The following ILDR1 variants were observed in gnomAD, a reference collection of about 807,000 sequenced individuals.
ILDR1 encodes immunoglobulin like domain containing receptor 1.
Under a neutral mutation model 62.4 loss-of-function variants are expected in ILDR1, and 56 were observed. The ratio of observed to expected loss-of-function variants is 0.90; its 90% CI spans 0.72 to 1.12. The LOEUF (loss-of-function observed/expected upper bound fraction) is 1.12. Among genes scored for constraint, ILDR1 ranks in the 50% most tolerant of loss-of-function variants. The pLI is 0.00. For missense variants in ILDR1, 736 were observed against 710.6 expected (o/e 1.04, Z -0.41); for synonymous variants, 284 against 277.8 (o/e 1.02, Z -0.22).
At chr3:121,996,092 G>A (rs923567898) in intron 5 of ILDR1, among the ~76,000 whole-genome samples, 1 of 152,050 alleles carries the variant, frequency 6.6e-6, no homozygotes, top group Non-Finnish European at 1.5e-5. Context: ...CCATAGCCTC[G>A]GGACATCTGA....
chr3:121,989,551 A>G (rs529803114), intron 7 of ILDR1, among the ~76,000 whole-genome samples: 1 of 152,244 alleles, frequency 6.6e-6, no homozygotes, highest in Non-Finnish European at 1.5e-5. Flanking sequence ...AGAATGTCTT[A>G]GGACAAGATT....
At chr3:122,023,525 G>GT (rs1472844234), upstream of ILDR1, among the ~76,000 whole-genome samples, 13 of 152,162 alleles carry the variant, frequency 8.5e-5, no homozygotes, top group Non-Finnish European at 1.5e-4. Flanking sequence ...CTGCTCTGCT[G>GT]TGAGGGGGCC....
intron 7 of ILDR1, among the ~76,000 whole-genome samples, chr3:121,991,322 T>C (rs1339513689): frequency 6.6e-6 from 1 of 152,130 alleles, no homozygotes; most frequent in Non-Finnish European, 1.5e-5. Flanking sequence ...TTACAGAAAA[T>C]GAAAAGAAAA....
At chr3:122,006,321 G>C (rs1334468875) in intron 2 of ILDR1, among the ~76,000 whole-genome samples, 2 of 152,160 alleles carry the variant, frequency 1.3e-5, no homozygotes, top group African/African-American at 2.4e-5. Context: ...GGTGGTTCTA[G>C]GTTCCTTTGT....
intron 2 of ILDR1, among the ~76,000 whole-genome samples, chr3:122,006,517 A>G (rs1199711432): frequency 1.3e-5 from 2 of 152,180 alleles, no homozygotes; most frequent in African/African-American, 4.8e-5. Context: ...CTTAGTCAGC[A>G]GAGGAATGAC....
intron 1 of ILDR1, 89 bp from the exon 2 acceptor site, chr3:122,007,250 T>C: frequency 6.3e-7 from 1 of 1,585,358 alleles, no homozygotes; most frequent in Non-Finnish European, 8.6e-7. Flanking sequence ...AGATATTGCC[T>C]GCCATCCTGC....
chr3:121,993,009 C>T, intron 7 of ILDR1, 141 bp downstream of exon 7: 1 of 736,144 alleles, frequency 1.4e-6, no homozygotes, highest in Non-Finnish European at 2.4e-6. Context: ...GTCCACCTAG[C>T]CCACAGTGTA....
Position 122,005,234 on chromosome 3 carries a change from C to G in ILDR1, c.379+10G>C, listed in dbSNP as rs200883040. On this transcript the variant is annotated intron_variant, in intron 3 of 7. Coordinates refer to ENST00000344209, the MANE Select transcript of ILDR1 (RefSeq NM_001199799.2). ...ACCCCCAGTTCCCCTGACACCTCCC[C>G]CGCACTCACGGTTCTGGATGGTGAT... 388 of 1,596,830 alleles carry G rather than the reference C, an allele frequency of 2.4e-4. 3 individuals carry two copies. In the East Asian group the frequency reaches 6.0e-3, roughly 25 times the overall value.
chr3:122,046,593 T>C, the ILDR1 span, among the ~76,000 whole-genome samples: 3 of 150,820 alleles, frequency 2.0e-5, no homozygotes, highest in Non-Finnish European at 3.0e-5. Flanking sequence ...CATAGTCCCA[T>C]ATTTCTTGGA....
chr3:122,042,669 G>A, the ILDR1 span, among the ~76,000 whole-genome samples: 1 of 152,152 alleles, frequency 6.6e-6, no homozygotes, highest in Non-Finnish European at 1.5e-5. Context: ...GATGGCCAGT[G>A]ATGATGAGCA....
intron 1 of ILDR1, among the ~76,000 whole-genome samples, chr3:122,010,077 G>T (rs946895794): frequency 6.6e-6 from 1 of 152,184 alleles, no homozygotes; most frequent in Non-Finnish European, 1.5e-5. Flanking sequence ...CTAAGATCAC[G>T]CATGAGAAGT....
intron 7 of ILDR1, among the ~76,000 whole-genome samples, chr3:121,989,387 A>G (rs997198733): frequency 1.3e-5 from 2 of 152,216 alleles, no homozygotes; most frequent in Non-Finnish European, 2.9e-5. Context: ...CCGACATAAA[A>G]CTTTTTAAAC....
the ILDR1 span, among the ~76,000 whole-genome samples, chr3:122,042,818 C>A: frequency 2.6e-4 from 39 of 152,054 alleles, 2 homozygotes; most frequent in Non-Finnish European, 4.4e-5. Flanking sequence ...GATATTAGCC[C>A]TTTGTCAGAT....
chr3:122,006,840 A>T, intron 2 of ILDR1, 151 bp downstream of exon 2: 1 of 771,788 alleles, frequency 1.3e-6, no homozygotes, highest in East Asian at 2.7e-5. Flanking sequence ...CCGTTTGTTT[A>T]TCTATAAAAC....
chr3:122,040,934 C>G, the ILDR1 span, among the ~76,000 whole-genome samples: 19 of 152,214 alleles, frequency 1.2e-4, no homozygotes, highest in East Asian at 1.7e-3. Flanking sequence ...TTAAAAATCT[C>G]TGCTTTGTGA....
chr3:122,047,623 G>A, the ILDR1 span, among the ~76,000 whole-genome samples: 28 of 152,210 alleles, frequency 1.8e-4, no homozygotes, highest in East Asian at 3.9e-4. Flanking sequence ...GTGGTTCGCC[G>A]TTTTTTAAGC....
intron 1 of ILDR1, among the ~76,000 whole-genome samples, chr3:122,010,947 T>TC (rs2071694132): frequency 2.0e-5 from 3 of 152,224 alleles, no homozygotes; most frequent in Non-Finnish European, 4.4e-5. Context: ...AAGGGACTTG[T>TC]CTGTGGTCAT....
rs2071526680 is a variant in ILDR1 at position 122,001,608 on chromosome 3, A to G, written c.499+137T>C. ...GCAAAAAGGTAAAAGTTTAGCTTTG[A>G]TAAGGGAACTTTAGAGGTTGATAAT... On this transcript the variant is annotated intron_variant, in intron 4 of 7. Coordinates refer to ENST00000344209, the MANE Select transcript of ILDR1 (RefSeq NM_001199799.2). 2.0e-6 allele frequency: 3 copies of G among 1,496,546 alleles called. No individual in the cohort carries two copies. In the South Asian group the frequency reaches 3.4e-5, roughly 17 times the overall value. 92.7% of individuals were successfully genotyped at this position (1,496,546 alleles called of 1,614,324 possible).
chr3:122,001,304 T>G lies in ILDR1; in HGVS notation c.646+4A>C. On this transcript the variant is annotated splice_donor_region_variant and intron_variant, in intron 5 of 7. Coordinates refer to ENST00000344209, the MANE Select transcript of ILDR1 (RefSeq NM_001199799.2). ...CATTCCACTGCTTGTCTGTCCCCTC[T>G]CACCTTCCTCAGGACAGCAGCAGTG... 1 of 1,614,116 alleles carries G rather than the reference T, an allele frequency of 6.2e-7. No individual in the cohort carries two copies. Among genetic ancestry groups the G allele is most frequent in the Non-Finnish European group, 8.5e-7 (1 of 1,180,010 alleles).
Sources: allele counts gnomAD v4.1 joint callset (sites outside exome capture counted in the v4.1 genomes callset), GRCh38; gene constraint gnomAD v4.1.1; transcripts MANE v1.5; gene names NCBI Gene and HGNC (gene_info 2026-07-23, HGNC 2026-07-21).